Variants in SPAG6 observed in about 807,000 individuals in gnomAD.
The protein encoded by SPAG6 is sperm associated antigen 6, also known as sperm-associated antigen 6.
A neutral mutation model predicts 58.5 loss-of-function variants in SPAG6; 49 were observed. The observed-to-expected ratio is 0.84, with a 90% CI of 0.67 to 1.06. The LOEUF (loss-of-function observed/expected upper bound fraction) is 1.06. Among genes scored for constraint, SPAG6 ranks in the 50% least tolerant of loss-of-function variants. SPAG6 has a pLI of 0.00. For synonymous variants in SPAG6, 233 were observed against 225.6 expected (o/e 1.03, Z -0.29); for missense variants, 560 against 611.3 (o/e 0.92, Z 0.89).
intron 8 of SPAG6, among the ~76,000 whole-genome samples, chr10:22,395,030 A>G (rs1834264352): frequency 6.6e-6 from 1 of 152,044 alleles, no homozygotes; most frequent in Middle Eastern, 3.2e-3. Flanking sequence ...CTTCTTTACT[A>G]CTTACTTGAA....
intron 2 of SPAG6, among the ~76,000 whole-genome samples, chr10:22,347,460 T>C (rs757193943): frequency 6.6e-6 from 1 of 152,206 alleles, no homozygotes; most frequent in Non-Finnish European, 1.5e-5. Flanking sequence ...TCTCAGTCCC[T>C]CTCAATGACC....
chr10:22,394,798 C>T (rs1564375676), intron 8 of SPAG6, among the ~76,000 whole-genome samples: 2 of 152,168 alleles, frequency 1.3e-5, no homozygotes, highest in Non-Finnish European at 2.9e-5. Context: ...CCTTGAACTC[C>T]TGGGCCCAAG....
At chr10:22,381,330 C>G (rs1833951007) in intron 4 of SPAG6, among the ~76,000 whole-genome samples, 1 of 149,092 alleles carries the variant, frequency 6.7e-6, no homozygotes, top group Non-Finnish European at 1.5e-5. Flanking sequence ...ACACAGTGTT[C>G]TTAAAAAAAA....
intron 9 of SPAG6, among the ~76,000 whole-genome samples, chr10:22,403,360 C>G (rs578117308): frequency 9.2e-5 from 14 of 152,214 alleles, no homozygotes; most frequent in Non-Finnish European, 1.9e-4. Flanking sequence ...GTTCAATTCC[C>G]ACCTATGAGT....
At chr10:22,388,066 GT>G in intron 6 of SPAG6, 70 bp downstream of exon 6, 1 of 1,259,030 alleles carries the variant, frequency 7.9e-7, no homozygotes, top group Non-Finnish European at 1.1e-6. Flanking sequence ...ACATCAATTT[GT>G]TTATAGGGCC....
chr10:22,375,273 T>C (rs551667948), intron 4 of SPAG6, among the ~76,000 whole-genome samples: 51 of 152,348 alleles, frequency 3.3e-4, no homozygotes, highest in African/African-American at 1.1e-3. Flanking sequence ...AAGCAAAATA[T>C]ACTTGACTGA....
intron 8 of SPAG6, among the ~76,000 whole-genome samples, chr10:22,396,503 A>G (rs1028195079): frequency 6.6e-6 from 1 of 152,206 alleles, no homozygotes; most frequent in Non-Finnish European, 1.5e-5. Context: ...CAGCTGCATG[A>G]AAACAGACCA....
intron 2 of SPAG6, among the ~76,000 whole-genome samples, chr10:22,358,804 A>G (rs1836947372): frequency 6.6e-6 from 1 of 152,226 alleles, no homozygotes; most frequent in Non-Finnish European, 1.5e-5. Context: ...ACATATGGCT[A>G]GCCAGTTTTC....
intron 2 of SPAG6, 193 bp downstream of exon 2, chr10:22,346,011 G>C: frequency 6.5e-7 from 1 of 1,546,882 alleles, no homozygotes; most frequent in Non-Finnish European, 8.7e-7. Flanking sequence ...TGTGGGAGGT[G>C]CGCGTTGTCC....
intron 2 of SPAG6, chr10:22,360,942 C>T: frequency 1.3e-6 from 1 of 780,738 alleles, no homozygotes; most frequent in East Asian, 2.7e-5. Flanking sequence ...AGTTTCCTTG[C>T]ATATTTATCT....
chr10:22,375,911 G>A (rs183820397), intron 4 of SPAG6, among the ~76,000 whole-genome samples: 4 of 152,082 alleles, frequency 2.6e-5, no homozygotes, highest in South Asian at 4.1e-4. Flanking sequence ...GACCTCTAGC[G>A]TTTTTGGTGT....
chr10:22,373,437 C>T (rs1009698292), intron 4 of SPAG6, among the ~76,000 whole-genome samples: 1 of 152,166 alleles, frequency 6.6e-6, no homozygotes, highest in African/African-American at 2.4e-5. Flanking sequence ...GCTTAGGAAG[C>T]AGTAATTAAT....
At chr10:22,375,319 A>T (rs1833792271) in intron 4 of SPAG6, among the ~76,000 whole-genome samples, 1 of 152,242 alleles carries the variant, frequency 6.6e-6, no homozygotes. Context: ...TTTCACAAAC[A>T]TCTACAAGAG....
At chr10:22,354,053 C>G (rs2074330590) in intron 2 of SPAG6, among the ~76,000 whole-genome samples, 1 of 152,028 alleles carries the variant, frequency 6.6e-6, no homozygotes, top group Admixed American at 6.6e-5. Flanking sequence ...TATGAAGGGC[C>G]TCGTATGAAG....
chr10:22,366,405 G>T (rs1192278554), intron 3 of SPAG6, among the ~76,000 whole-genome samples: 3 of 152,176 alleles, frequency 2.0e-5, no homozygotes, highest in Middle Eastern at 3.2e-3. Context: ...GGGCTGGAAG[G>T]AGAAGGGAAT....
intron 2 of SPAG6, among the ~76,000 whole-genome samples, chr10:22,349,809 C>A (rs987906215): frequency 2.6e-5 from 4 of 152,098 alleles, no homozygotes; most frequent in African/African-American, 9.7e-5. Flanking sequence ...ATTGAGGCAA[C>A]TTAATGGGTT....
At chr10:22,413,078 A>AAAAAAAAAAAAAAAAAAAAC (rs1834780701) in intron 10 of SPAG6, 1 of 150,354 alleles carries the variant, frequency 6.7e-6, no homozygotes, top group African/African-American at 2.4e-5. Context: ...AAAAAAAAAA[A>AAAAAAAAAAAAAAAAAAAAC]AAAAAAAAAA....
intron 2 of SPAG6, among the ~76,000 whole-genome samples, chr10:22,357,075 G>C (rs1174922188): frequency 6.6e-6 from 1 of 151,908 alleles, no homozygotes; most frequent in African/African-American, 2.4e-5. Context: ...AACTCTTTTT[G>C]CTCTTTGTTT....
chr10:22,383,317 T>C (rs987275721), intron 4 of SPAG6, among the ~76,000 whole-genome samples: 10 of 152,164 alleles, frequency 6.6e-5, no homozygotes, highest in Non-Finnish European at 1.2e-4. Flanking sequence ...TGTATGTGTT[T>C]TGGTTGCTGC....
Sources: gnomAD v4.1 joint callset for allele counts (sites outside exome capture counted in the v4.1 genomes callset) on GRCh38, gnomAD v4.1.1 for gene constraint, MANE v1.5 for transcripts, NCBI Gene and HGNC (gene_info 2026-07-23, HGNC 2026-07-21) for gene names.